Variants in GNG2 observed in about 807,000 individuals in gnomAD.
GNG2 encodes the protein guanine nucleotide-binding protein G(I)/G(S)/G(O) subunit gamma-2.
Under a neutral mutation model 5.5 loss-of-function variants are expected in GNG2, and 5 were observed. That is an observed-to-expected ratio of 0.91 (90% CI 0.48 to 1.92). The LOEUF (loss-of-function observed/expected upper bound fraction) is 1.92, where lower values mean the gene tolerates loss of function less well. GNG2 is among the 30% of genes most tolerant of loss of function. The pLI is 0.01. For missense variants in GNG2, 55 were observed against 88.4 expected (o/e 0.62, Z 1.52); for synonymous variants, 28 against 32.0 (o/e 0.88, Z 0.42).
intron 2 of GNG2, among the ~76,000 whole-genome samples, chr14:51,879,104 C>A (rs1883872420): frequency 6.6e-6 from 1 of 152,214 alleles, no homozygotes; most frequent in South Asian, 2.1e-4. Flanking sequence ...TTGTGAACTA[C>A]CGTGTCTTTG....
chr14:51,867,411 A>G (rs1485865509), intron 1 of GNG2, among the ~76,000 whole-genome samples: 1 of 152,142 alleles, frequency 6.6e-6, no homozygotes, highest in Non-Finnish European at 1.5e-5. Flanking sequence ...CCCACTCCTC[A>G]AAACCAGCTC....
intron 2 of GNG2, among the ~76,000 whole-genome samples, chr14:51,879,236 C>T (rs988620005): frequency 4.6e-5 from 7 of 152,202 alleles, no homozygotes; most frequent in African/African-American, 1.7e-4. Context: ...TCTGTGCTAA[C>T]AAACGCAAGA....
chr14:51,881,701 CTT>C (rs58544362), intron 2 of GNG2, among the ~76,000 whole-genome samples: 118 of 104,214 alleles, frequency 1.1e-3, no homozygotes, highest in African/African-American at 1.3e-3. Context: ...AGCTGGAAGA[CTT>C]TTTTTTTTTT....
Position 51,891,888 on chromosome 14 carries a change from C to T in GNG2, c.-30+14231C>T, listed in dbSNP as rs569425963. 2.0e-5 allele frequency among the ~76,000 whole-genome samples: 3 copies of T among 152,190 alleles called. No homozygotes were observed. The South Asian group carries it at 6.2e-4, about 31-fold the overall frequency. On this transcript the variant is annotated intron_variant, in intron 2 of 3. Coordinates refer to ENST00000556766, the MANE Select transcript of GNG2 (RefSeq NM_053064.5). ...CTCTGATGCACGATGCTGCTGTGTG[C>T]ATTCTGTTCATGTCTCCTGGTTCAC... is the stretch of plus-strand genomic sequence containing the variant.
chr14:51,887,020 T>G (rs1177944596), intron 2 of GNG2, among the ~76,000 whole-genome samples: 1 of 152,202 alleles, frequency 6.6e-6, no homozygotes, highest in Non-Finnish European at 1.5e-5. Flanking sequence ...TTAAACCAGC[T>G]TTCACATTTT....
At chr14:51,826,794 T>C (rs1367571792) in intron 1 of GNG2, among the ~76,000 whole-genome samples, 1 of 152,076 alleles carries the variant, frequency 6.6e-6, no homozygotes, top group Non-Finnish European at 1.5e-5. Context: ...TGAATTAGAA[T>C]GGTGAAGTTT....
intron 2 of GNG2, among the ~76,000 whole-genome samples, chr14:51,853,921 C>T (rs1882030986): frequency 4.0e-5 from 6 of 150,672 alleles, no homozygotes; most frequent in South Asian, 2.1e-4. Flanking sequence ...GACAGAGTCT[C>T]GCTCTGTTGC....
intron 1 of GNG2, among the ~76,000 whole-genome samples, chr14:51,872,973 T>A (rs111462351): frequency 2.2e-4 from 34 of 152,364 alleles, no homozygotes; most frequent in African/African-American, 8.2e-4. Context: ...TTCACCTGAT[T>A]ATTTCATTTG....
chr14:51,916,869 A>C (rs900980885), intron 2 of GNG2, among the ~76,000 whole-genome samples: 7 of 152,244 alleles, frequency 4.6e-5, no homozygotes, highest in Non-Finnish European at 1.0e-4. Context: ...GCCTGGCAGA[A>C]GAGCCAGCCA....
At chr14:51,929,109 G>A (rs1171991060) in intron 2 of GNG2, among the ~76,000 whole-genome samples, 1 of 152,136 alleles carries the variant, frequency 6.6e-6, no homozygotes, top group Non-Finnish European at 1.5e-5. Context: ...CCAAATCCTG[G>A]GAATTTGAAG....
At chr14:51,909,699 A>T (rs1034874646) in intron 2 of GNG2, among the ~76,000 whole-genome samples, 1 of 152,208 alleles carries the variant, frequency 6.6e-6, no homozygotes, top group South Asian at 2.1e-4. Context: ...CCCCTTGAGT[A>T]TGAATACTGA....
chr14:51,960,455 T>C (rs982373650), intron 3 of GNG2, among the ~76,000 whole-genome samples: 24 of 152,284 alleles, frequency 1.6e-4, no homozygotes, highest in African/African-American at 5.3e-4. Context: ...AATCTGCTAA[T>C]TCTATTCATT....
At position 51,966,270 on chromosome 14, in the gene GNG2, G is replaced by A. The variant is rs1243911602; in HGVS notation, c.88-289G>A. ...AGGAGACAGCCACCTGCGGGGCTAT[G>A]GAAGTGCAGGGTTGACACCTGCATG... On this transcript the variant is annotated intron_variant, in intron 3 of 3. Coordinates refer to ENST00000556766, the MANE Select transcript of GNG2 (RefSeq NM_053064.5). Among the ~76,000 whole-genome samples the A allele has an allele frequency of 3.3e-5, 5 of 150,022 alleles. No homozygotes were observed. In the East Asian group the frequency reaches 7.9e-4, roughly 24 times the overall value.
Position 51,968,615 on chromosome 14 carries a change from T to G in GNG2, c.*1928T>G, listed in dbSNP as rs1478202693. 1 of 152,200 alleles carries G rather than the reference T, an allele frequency of 6.6e-6. No individual in the cohort carries two copies. Among genetic ancestry groups the G allele is most frequent in the African/African-American group, 2.4e-5 (1 of 41,460 alleles). 9.4% of individuals were successfully genotyped at this position (152,200 alleles called of 1,614,324 possible). The stretch of plus-strand genomic sequence containing the variant: ...CAAATTGTGGGGTTTTTGTTACAGT[T>G]AGGACGCCCATGAAGATTTAGGGGT... On this transcript the variant is annotated 3_prime_UTR_variant, in exon 4 of 4. Coordinates refer to ENST00000556766, the MANE Select transcript of GNG2 (RefSeq NM_053064.5).
chr14:51,832,152 C>A (rs969558047), intron 2 of GNG2, among the ~76,000 whole-genome samples: 4 of 151,754 alleles, frequency 2.6e-5, no homozygotes, highest in African/African-American at 7.3e-5. Flanking sequence ...TGGTGGCACA[C>A]ACATATGGTT....
At chr14:51,844,151 A>G (rs905641289) in intron 2 of GNG2, among the ~76,000 whole-genome samples, 7 of 152,356 alleles carry the variant, frequency 4.6e-5, no homozygotes, top group Middle Eastern at 3.4e-3. Flanking sequence ...AGGCAGAAAC[A>G]TGGAGCAGTT....
intron 2 of GNG2, among the ~76,000 whole-genome samples, chr14:51,910,880 A>G (rs994838857): frequency 4.6e-5 from 7 of 152,262 alleles, no homozygotes; most frequent in Non-Finnish European, 8.8e-5. Flanking sequence ...CCTCTAGAAC[A>G]GCACTTAATT....
intron 1 of GNG2, among the ~76,000 whole-genome samples, chr14:51,876,498 C>T (rs751935643): frequency 1.3e-5 from 2 of 152,148 alleles, no homozygotes; most frequent in Admixed American, 6.5e-5. Flanking sequence ...TCACCAATAA[C>T]AAATGAGTGC....
chr14:51,884,838 C>T (rs1388909342), intron 2 of GNG2, among the ~76,000 whole-genome samples: 1 of 152,178 alleles, frequency 6.6e-6, no homozygotes, highest in African/African-American at 2.4e-5. Flanking sequence ...CTCAGTATTT[C>T]ATCACCAGAC....
Sources: allele counts gnomAD v4.1 joint callset (sites outside exome capture counted in the v4.1 genomes callset), GRCh38; gene constraint gnomAD v4.1.1; transcripts MANE v1.5; gene names NCBI Gene and HGNC (gene_info 2026-07-23, HGNC 2026-07-21).